Variants in GINS3 observed in about 807,000 individuals in gnomAD.
GINS3 encodes DNA replication complex GINS protein PSF3.
GINS3 carries 18 observed loss-of-function variants against 20.0 expected under a neutral mutation model. The observed-to-expected ratio is 0.90, with a 90% CI of 0.62 to 1.33. The LOEUF (loss-of-function observed/expected upper bound fraction) is 1.33, where lower values mean the gene tolerates loss of function less well. GINS3 is among the 40% of genes most tolerant of loss of function. The pLI is 0.00. For synonymous variants in GINS3, 109 were observed against 107.0 expected, an observed-to-expected ratio of 1.02 and a Z score of -0.12; for missense variants, 254 against 273.6, an observed-to-expected ratio of 0.93 and a Z score of 0.51.
At chr16:58,402,684 T>C (rs1374141097) in intron 1 of GINS3, among the ~76,000 whole-genome samples, 1 of 152,180 alleles carries the variant, frequency 6.6e-6, no homozygotes, top group Non-Finnish European at 1.5e-5. Context: ...ATCTTATTTT[T>C]CTTTCTGACC....
chr16:58,403,035 T>C (rs1965977492), intron 1 of GINS3, 63 bp from the exon 2 acceptor site: 7 of 1,342,324 alleles, frequency 5.2e-6, no homozygotes, highest in Non-Finnish European at 6.4e-6. Flanking sequence ...TATTTCCTTT[T>C]CGTCACACAC....
In GINS3 at chr16:58,392,545, A is replaced by C; in HGVS notation, c.-57A>C. 6.3e-7 allele frequency: 1 copy of C among 1,585,180 alleles called. No homozygotes were observed. Among genetic ancestry groups the C allele is most frequent in the Non-Finnish European group, 8.6e-7 (1 of 1,159,356 alleles). On this transcript the variant is annotated 5_prime_UTR_variant, in exon 1 of 3. Coordinates refer to ENST00000318129, the MANE Select transcript of GINS3 (RefSeq NM_022770.4). ...CGCTTCCCCGTCTTGTACACCCCTA[A>C]CTCCTGAGGCTCCTCCGAATCACGC...
chr16:58,399,275 G>T (rs1438523526), intron 1 of GINS3, among the ~76,000 whole-genome samples: 1 of 149,370 alleles, frequency 6.7e-6, no homozygotes, highest in Non-Finnish European at 1.5e-5. Flanking sequence ...TGACAGAACA[G>T]GACCCCCTCT....
At chr16:58,397,698 T>TC (rs1283318676) in intron 1 of GINS3, among the ~76,000 whole-genome samples, 1 of 152,010 alleles carries the variant, frequency 6.6e-6, no homozygotes, top group African/African-American at 2.4e-5. Context: ...TCACAGGCAC[T>TC]CGGCAGGCTG....
intron 1 of GINS3, 53 bp downstream of exon 1, chr16:58,392,840 CCCCTCGG>C: frequency 1.3e-6 from 2 of 1,506,652 alleles, no homozygotes; most frequent in South Asian, 2.5e-5. Context: ...TCCCGGCGGG[CCCCTCGG>C]CCCTGGGACG....
intron 1 of GINS3, among the ~76,000 whole-genome samples, chr16:58,399,015 A>C (rs1011395415): frequency 8.1e-5 from 12 of 148,400 alleles, no homozygotes; most frequent in African/African-American, 3.0e-4. Flanking sequence ...TTTTTTTTTT[A>C]TCCTGTAAAA....
intron 1 of GINS3, among the ~76,000 whole-genome samples, chr16:58,397,258 G>A (rs1309659030): frequency 1.3e-5 from 2 of 151,356 alleles, no homozygotes; most frequent in Non-Finnish European, 2.9e-5. Context: ...GGGCAGCAGG[G>A]CAGAGGCACT....
At chr16:58,393,984 T>C (rs1039299493) in intron 1 of GINS3, among the ~76,000 whole-genome samples, 1 of 152,170 alleles carries the variant, frequency 6.6e-6, no homozygotes, top group African/African-American at 2.4e-5. Flanking sequence ...TATTTCTAAA[T>C]AATATTCTTA....
chr16:58,403,481 A>G (rs1042825660), intron 2 of GINS3, 150 bp downstream of exon 2: 6 of 606,046 alleles, frequency 9.9e-6, no homozygotes, highest in African/African-American at 9.6e-5. Context: ...TCCATTTTAT[A>G]TATTTACATA....
Position 58,392,597 on chromosome 16 carries a change from C to CTTG in GINS3, c.-5_-4insTTG, listed in dbSNP as rs1446564139. ...AGTGGAAGCGGAGAAGCTCAAGTGG[C>CTTG]CGCCATGTCAGAGGCTTATTTCCGA... is the stretch of plus-strand genomic sequence containing the variant. On this transcript the variant is annotated 5_prime_UTR_variant, in exon 1 of 3. Coordinates refer to ENST00000318129, the MANE Select transcript of GINS3 (RefSeq NM_022770.4). 1 of 1,613,282 alleles carries CTTG rather than the reference C, an allele frequency of 6.2e-7. No homozygotes were observed. The highest frequency in any genetic ancestry group is 8.5e-7 in the Non-Finnish European group (1 of 1,179,408).
At chr16:58,403,389 A>G (rs938342633) in intron 2 of GINS3, 58 bp downstream of exon 2, 10 of 1,353,568 alleles carry the variant, frequency 7.4e-6, no homozygotes, top group Non-Finnish European at 1.0e-5. Flanking sequence ...CCAGCCACAG[A>G]TACTACTTTT....
chr16:58,401,991 C>G lies in GINS3; in HGVS notation c.187-1107C>G, dbSNP rs570933119. Among the ~76,000 whole-genome samples the G allele has an allele frequency of 5.4e-4, 82 of 152,284 alleles. 1 individual carries two copies. The highest frequency in any genetic ancestry group is 1.9e-3 in the African/African-American group (79 of 41,544). On this transcript the variant is annotated intron_variant, in intron 1 of 2. Transcript: ENST00000318129. ...CTTCAGACATTTATTTTGCCTCAAT[C>G]TATCGCTCCTGCCCATCAAATTACA...
At chr16:58,392,898 G>C (rs1965803139) in intron 1 of GINS3, 111 bp downstream of exon 1, 24 of 1,185,010 alleles carry the variant, frequency 2.0e-5, no homozygotes, top group Admixed American at 2.9e-5. Context: ...TGTAGTTTTC[G>C]AGGAGCCAGG....
rs1966013740 is a variant in GINS3 at position 58,405,184 on chromosome 16, CAG to C, written c.*458_*459del. ...TTGCCTCATCTTCCTCATGGTTGTA[CAG>C]AGGATAGCACCCCACCATGCCAGCC... On this transcript the variant is annotated 3_prime_UTR_variant, in exon 3 of 3. Coordinates refer to ENST00000318129, the MANE Select transcript of GINS3 (RefSeq NM_022770.4). The C allele has an allele frequency of 3.1e-5, 5 of 163,556 alleles. No homozygotes were observed. In the South Asian group the frequency reaches 8.4e-4, roughly 28 times the overall value. 10.1% of individuals were successfully genotyped at this position (163,556 alleles called of 1,614,324 possible). A position where few individuals can be genotyped will look rare whatever the true frequency, so the allele number is the denominator to read the frequency against.
At position 58,396,707 on chromosome 16, in the gene GINS3, C is replaced by G. The variant is rs867789262; in HGVS notation, c.186+3920C>G. Among the ~76,000 whole-genome samples the G allele has an allele frequency of 1.8e-3, 216 of 122,546 alleles. 4 individuals carry two copies. Among genetic ancestry groups the G allele is most frequent in the South Asian group, 2.2e-3 (8 of 3,706 alleles). The allele number at this position is 122,546 out of a possible 152,430, so 80.4% of individuals were successfully genotyped here. A position where few individuals can be genotyped will look rare whatever the true frequency, so the allele number is the denominator to read the frequency against. On this transcript the variant is annotated intron_variant, in intron 1 of 2. Coordinates refer to ENST00000318129, the MANE Select transcript of GINS3 (RefSeq NM_022770.4). ...CTCCCGGACGGGGCGGCTGGCCGGGCGGGGGGCTGACCTCCCCACCTCCCT... is the reference window on the plus strand; with the variant it reads ...CTCCCGGACGGGGCGGCTGGCCGGGGGGGGGGCTGACCTCCCCACCTCCCT...
intron 1 of GINS3, among the ~76,000 whole-genome samples, chr16:58,402,711 G>C (rs1054042711): frequency 6.6e-6 from 1 of 152,080 alleles, no homozygotes; most frequent in Non-Finnish European, 1.5e-5. Context: ...ATCCAATAGG[G>C]TGCTCAGTAC....
In GINS3 at chr16:58,405,007, A is replaced by G. The variant is rs1403513189; in HGVS notation, c.*278A>G. ...AAATCAAAGTCCTTCCTAAATAAGA[A>G]TCACTGCCATATAATATATCACAGT... On this transcript the variant is annotated 3_prime_UTR_variant, in exon 3 of 3. Coordinates refer to ENST00000318129, the MANE Select transcript of GINS3 (RefSeq NM_022770.4). 1 of 399,892 alleles carries G rather than the reference A, an allele frequency of 2.5e-6. No homozygotes were observed. The highest frequency in any genetic ancestry group is 4.6e-6 in the Non-Finnish European group (1 of 217,112). The allele number at this position is 399,892 out of a possible 1,614,324, so 24.8% of individuals were successfully genotyped here. A position where few individuals can be genotyped will look rare whatever the true frequency, so the allele number is the denominator to read the frequency against.
At chr16:58,396,370 G>C (rs1207169465) in intron 1 of GINS3, among the ~76,000 whole-genome samples, 2 of 127,602 alleles carry the variant, frequency 1.6e-5, no homozygotes, top group Non-Finnish European at 3.3e-5. Flanking sequence ...TCCCGGATGG[G>C]GCGGCTGGCC....
chr16:58,397,690 A>G (rs921881030), intron 1 of GINS3, among the ~76,000 whole-genome samples: 18 of 151,970 alleles, frequency 1.2e-4, no homozygotes, highest in Non-Finnish European at 2.2e-4. Context: ...GCCTGCAATC[A>G]CAGGCACTCG....
Sources: gnomAD v4.1 joint callset for allele counts (sites outside exome capture counted in the v4.1 genomes callset) on GRCh38, gnomAD v4.1.1 for gene constraint, MANE v1.5 for transcripts, NCBI Gene and HGNC (gene_info 2026-07-23, HGNC 2026-07-21) for gene names.